The following AFF2 variants were observed in gnomAD, a reference collection of about 807,000 sequenced individuals.
The protein encoded by AFF2 is AF4/FMR2 family member 2.
Under a neutral mutation model 76.9 loss-of-function variants are expected in AFF2, and 14 were observed. The observed-to-expected ratio is 0.18, with a 90% confidence interval of 0.12 to 0.28. The LOEUF (loss-of-function observed/expected upper bound fraction) is 0.28. Ranked by LOEUF, AFF2 falls within the 10% of genes least tolerant of loss-of-function variation. The pLI is 1.00. For synonymous variants in AFF2, 398 were observed against 366.7 expected, an observed-to-expected ratio of 1.09 and a Z score of -0.98; for missense variants, 868 against 1,001.1, an observed-to-expected ratio of 0.87 and a Z score of 1.79.
At chrX:148,776,735 C>A (rs1370801435) in intron 3 of AFF2, among the ~76,000 whole-genome samples, 2 of 111,091 alleles carry the variant, frequency 1.8e-5, no homozygotes, top group African/African-American at 6.6e-5. Context: ...GTTTAAGTTC[C>A]TTGTAGATTC....
At chrX:148,644,561 T>C (rs2054124477) in intron 1 of AFF2, among the ~76,000 whole-genome samples, 1 of 112,293 alleles carries the variant, frequency 8.9e-6, no homozygotes, top group African/African-American at 3.2e-5. Flanking sequence ...ATTAGTGTTA[T>C]TGTTGTTCTT....
intron 3 of AFF2, among the ~76,000 whole-genome samples, chrX:148,669,522 T>A (rs2054398462): frequency 9.0e-6 from 1 of 111,717 alleles, no homozygotes; most frequent in Admixed American, 9.5e-5. Flanking sequence ...AGCAGTAAGT[T>A]AAAGACACGT....
chrX:148,561,527 G>A (rs782091232), intron 1 of AFF2, among the ~76,000 whole-genome samples: 7 of 111,850 alleles, frequency 6.3e-5, no homozygotes, highest in Non-Finnish European at 1.3e-4. Flanking sequence ...GCTTCATCAA[G>A]CCTATCTGGC....
At chrX:148,949,622 A>G (rs1486728572) in intron 9 of AFF2, among the ~76,000 whole-genome samples, 2 of 112,724 alleles carry the variant, frequency 1.8e-5, no homozygotes, top group Non-Finnish European at 3.7e-5. Flanking sequence ...CTGATCTTTG[A>G]GAAGGTTGAG....
chrX:148,766,460 G>A (rs781854124), intron 3 of AFF2, among the ~76,000 whole-genome samples: 5 of 108,732 alleles, frequency 4.6e-5, no homozygotes, highest in Non-Finnish European at 9.6e-5. Flanking sequence ...GGCCAGTGAT[G>A]ATGAGCATTT....
At chrX:148,584,719 G>T (rs1557245635) in intron 1 of AFF2, among the ~76,000 whole-genome samples, 1 of 109,635 alleles carries the variant, frequency 9.1e-6, no homozygotes, top group African/African-American at 3.3e-5. Flanking sequence ...TGTATTTTTA[G>T]TAGAGACGGA....
chrX:148,849,162 G>A (rs1557275050), intron 7 of AFF2, among the ~76,000 whole-genome samples: 3 of 110,674 alleles, frequency 2.7e-5, no homozygotes, highest in Non-Finnish European at 5.7e-5. Context: ...TCTAAAATGG[G>A]GGCTCCCTTC....
At chrX:148,815,199 TTAA>T (rs1557272075) in intron 4 of AFF2, among the ~76,000 whole-genome samples, 1 of 111,960 alleles carries the variant, frequency 8.9e-6, no homozygotes, top group African/African-American at 3.2e-5. Context: ...TAGACTATAA[TTAA>T]TGTTAACATT....
intron 9 of AFF2, among the ~76,000 whole-genome samples, chrX:148,910,625 G>A (rs782227833): frequency 9.8e-5 from 11 of 112,209 alleles, no homozygotes; most frequent in East Asian, 8.5e-4. Flanking sequence ...GCTGGTTTGC[G>A]ACACTGGTGC....
rs1443550901 is a variant in AFF2, at chrX:149,000,360, A to G, written c.*9028A>G. The stretch of plus-strand genomic sequence containing the variant: ...AAACTGTTCTAAAATCAATCAATTA[A>G]TGAAATGTTATCTGGTTTTTAAAAG... On this transcript the variant is annotated 3_prime_UTR_variant, in exon 21 of 21. Transcript: ENST00000370460. The G allele has an allele frequency of 8.9e-6, 1 of 112,735 alleles. No individual in the cohort carries two copies. The highest frequency in any genetic ancestry group is 3.2e-5 in the African/African-American group (1 of 31,027). The allele number at this position is 112,735 out of a possible 1,213,427, so 9.3% of individuals were successfully genotyped here.
intron 4 of AFF2, among the ~76,000 whole-genome samples, chrX:148,832,977 C>G (rs1337678045): frequency 1.8e-5 from 2 of 111,157 alleles, no homozygotes; most frequent in Non-Finnish European, 3.8e-5. Context: ...AAAAATCGCC[C>G]TAATCATCTC....
intron 3 of AFF2, among the ~76,000 whole-genome samples, chrX:148,773,685 G>GGAAAGAAAGAAAGAAGGAAAGAAA (rs2069621552): frequency 4.9e-4 from 25 of 51,429 alleles, no homozygotes; most frequent in South Asian, 1.3e-3. Context: ...AAGGAAGGAA[G>GGAAAGAAAGAAAGAAGGAAAGAAA]GAAAGAAAGA....
intron 1 of AFF2, among the ~76,000 whole-genome samples, chrX:148,623,674 T>C (rs1557251594): frequency 9.3e-6 from 1 of 107,169 alleles, no homozygotes; most frequent in South Asian, 4.0e-4. Context: ...ACAAGAAGAG[T>C]TATGTTAATA....
chrX:148,583,262 A>G (rs575227132), intron 1 of AFF2, among the ~76,000 whole-genome samples: 4 of 112,194 alleles, frequency 3.6e-5, no homozygotes, highest in African/African-American at 1.3e-4. Flanking sequence ...TGTGAATTGT[A>G]TCTCAGTAAA....
chrX:148,753,561 T>A (rs1387846151), intron 3 of AFF2, among the ~76,000 whole-genome samples: 1 of 112,146 alleles, frequency 8.9e-6, no homozygotes, highest in Non-Finnish European at 1.9e-5. Context: ...GACACATTTT[T>A]CATGTAATAG....
At chrX:148,707,976 A>G (rs1185197113) in intron 3 of AFF2, among the ~76,000 whole-genome samples, 5 of 112,085 alleles carry the variant, frequency 4.5e-5, no homozygotes, top group Non-Finnish European at 9.4e-5. Context: ...CACAAATATA[A>G]AATAAGCACA....
At chrX:148,918,659 A>C (rs1386128164) in intron 9 of AFF2, among the ~76,000 whole-genome samples, 2 of 111,944 alleles carry the variant, frequency 1.8e-5, no homozygotes, top group Non-Finnish European at 3.8e-5. Context: ...AATGGAATAC[A>C]TTGAGCCTCC....
chrX:148,701,012 ATG>A lies in AFF2; in HGVS notation c.1041+38284_1041+38285del, dbSNP rs10675200. ...AGAGAGAGAGAGAGAGAGAGAGAGAATGTGTGTGTGTGTGTGTGTGTGTGTGT... is the reference window on the plus strand; with the variant it reads ...AGAGAGAGAGAGAGAGAGAGAGAGAATGTGTGTGTGTGTGTGTGTGTGTGT... On this transcript the variant is annotated intron_variant, in intron 3 of 20. Coordinates refer to ENST00000370460, the MANE Select transcript of AFF2 (RefSeq NM_002025.4). Among the ~76,000 whole-genome samples, 256 of 73,696 alleles carry A rather than the reference ATG, an allele frequency of 3.5e-3. 4 individuals carry two copies. The highest frequency in any genetic ancestry group is 0.015 in the East Asian group (36 of 2,337). The allele number at this position is 73,696 out of a possible 115,157, so 64.0% of individuals were successfully genotyped here.
At chrX:148,978,521 A>C in intron 18 of AFF2, 66 bp downstream of exon 18, 1 of 787,051 alleles carries the variant, frequency 1.3e-6, no homozygotes. Flanking sequence ...CACGACATGC[A>C]GGTTATCGAA....
Sources: allele counts gnomAD v4.1 joint callset (sites outside exome capture counted in the v4.1 genomes callset), GRCh38; gene constraint gnomAD v4.1.1; transcripts MANE v1.5; gene names NCBI Gene and HGNC (gene_info 2026-07-23, HGNC 2026-07-21).